Variants in HIVEP3 observed in about 807,000 individuals in gnomAD.
HIVEP3 encodes the protein transcription factor HIVEP3.
Under a neutral mutation model 152.8 loss-of-function variants are expected in HIVEP3, and 49 were observed. That is an observed-to-expected ratio of 0.32 (90% CI 0.26 to 0.41). The LOEUF (loss-of-function observed/expected upper bound fraction) is 0.41, where lower values mean the gene tolerates loss of function less well. HIVEP3 is among the 10% of genes least tolerant of loss of function. The pLI is 1.00. For synonymous variants in HIVEP3, 1,269 were observed against 1,289.0 expected (o/e 0.98, Z 0.33); for missense variants, 2,790 against 3,103.3 (o/e 0.90, Z 2.40).
chr1:41,646,880 G>A (rs1285040861), intron 2 of HIVEP3, among the ~76,000 whole-genome samples: 1 of 152,368 alleles, frequency 6.6e-6, no homozygotes, highest in Middle Eastern at 3.4e-3. Context: ...AAATCCAGGT[G>A]TTAACAGGGC....
intron 1 of HIVEP3, among the ~76,000 whole-genome samples, chr1:41,862,756 A>C (rs1235127981): frequency 6.6e-6 from 1 of 152,224 alleles, no homozygotes; most frequent in East Asian, 1.9e-4. Context: ...GGCAGGTCAG[A>C]GACTTAGGTT....
intron 5 of HIVEP3, among the ~76,000 whole-genome samples, chr1:41,564,309 G>T (rs919347945): frequency 3.3e-5 from 5 of 152,212 alleles, no homozygotes; most frequent in African/African-American, 1.2e-4. Flanking sequence ...GTGACAGAGG[G>T]TATGAAAATC....
chr1:41,608,041 T>A (rs1459940598), intron 3 of HIVEP3, among the ~76,000 whole-genome samples: 1 of 152,198 alleles, frequency 6.6e-6, no homozygotes, highest in African/African-American at 2.4e-5. Context: ...AGTGTTTAGC[T>A]GAGTGGCTGT....
intron 3 of HIVEP3, among the ~76,000 whole-genome samples, chr1:41,610,903 CCCAAGCTCCCA>C (rs1644887732): frequency 6.6e-6 from 1 of 152,180 alleles, no homozygotes; most frequent in South Asian, 2.1e-4. Flanking sequence ...CCTGAGACCC[CCCAAGCTCCCA>C]CTCTGTGCTC....
intron 3 of HIVEP3, among the ~76,000 whole-genome samples, chr1:41,586,359 T>C (rs948100143): frequency 7.2e-5 from 11 of 152,120 alleles, no homozygotes; most frequent in Non-Finnish European, 1.3e-4. Flanking sequence ...CCACCTGACT[T>C]TGGACATCAT....
intron 1 of HIVEP3, among the ~76,000 whole-genome samples, chr1:41,888,039 T>TC (rs1237452346): frequency 7.1e-6 from 1 of 140,666 alleles, no homozygotes; most frequent in African/African-American, 2.6e-5. Flanking sequence ...CAGCTGAACT[T>TC]TTTTTTTTTT....
intron 3 of HIVEP3, among the ~76,000 whole-genome samples, chr1:41,601,441 T>C (rs897288438): frequency 6.6e-6 from 1 of 152,178 alleles, no homozygotes; most frequent in African/African-American, 2.4e-5. Context: ...AAATGTTTTG[T>C]AGTTTCCAGT....
intron 1 of HIVEP3, chr1:41,847,554 T>G (rs1643477741): frequency 6.6e-6 from 1 of 152,262 alleles, no homozygotes; most frequent in East Asian, 1.9e-4. Context: ...ACTTCCAAAG[T>G]TTTTGTAACA....
intron 1 of HIVEP3, among the ~76,000 whole-genome samples, chr1:41,834,464 G>C (rs1570632756): frequency 6.6e-6 from 1 of 152,328 alleles, no homozygotes; most frequent in Non-Finnish European, 1.5e-5. Flanking sequence ...CAAGTGTTCA[G>C]TAAGTGTTGG....
intron 2 of HIVEP3, among the ~76,000 whole-genome samples, chr1:41,638,804 G>C (rs566706247): frequency 6.6e-6 from 1 of 152,218 alleles, no homozygotes; most frequent in Non-Finnish European, 1.5e-5. Context: ...GGCCGCATCC[G>C]GTCTGGGCAC....
At chr1:41,725,522 T>C (rs1397256396) in intron 1 of HIVEP3, among the ~76,000 whole-genome samples, 1 of 152,234 alleles carries the variant, frequency 6.6e-6, no homozygotes, top group Non-Finnish European at 1.5e-5. Context: ...CCCAAACTAT[T>C]GTCTGTGCTG....
chr1:41,834,280 C>A (rs975444554), intron 1 of HIVEP3, among the ~76,000 whole-genome samples: 2 of 152,152 alleles, frequency 1.3e-5, no homozygotes, highest in Non-Finnish European at 2.9e-5. Context: ...CACCCCCATT[C>A]CCCCACTGTG....
chr1:42,015,879 A>G (rs1645519331), intron 1 of HIVEP3, among the ~76,000 whole-genome samples: 1 of 152,272 alleles, frequency 6.6e-6, no homozygotes, highest in Admixed American at 6.5e-5. Flanking sequence ...TCAGCTGCCT[A>G]CATGGCAATG....
At chr1:41,779,653 G>A (rs1313264972) in intron 1 of HIVEP3, among the ~76,000 whole-genome samples, 1 of 152,204 alleles carries the variant, frequency 6.6e-6, no homozygotes, top group Non-Finnish European at 1.5e-5. Flanking sequence ...AAACCATTAT[G>A]CCTGGCTAAT....
At chr1:41,594,873 T>G (rs1024072237) in intron 3 of HIVEP3, among the ~76,000 whole-genome samples, 1 of 152,226 alleles carries the variant, frequency 6.6e-6, no homozygotes, top group African/African-American at 2.4e-5. Flanking sequence ...TTCCTTTCCA[T>G]TGTCACCTTG....
intron 5 of HIVEP3, among the ~76,000 whole-genome samples, chr1:41,549,208 C>A (rs1055271423): frequency 8.5e-5 from 13 of 152,160 alleles, no homozygotes; most frequent in Non-Finnish European, 1.8e-4. Flanking sequence ...TGAACTCATC[C>A]TTTTCTATGG....
At chr1:41,940,532 C>A (rs1645040374) in intron 1 of HIVEP3, among the ~76,000 whole-genome samples, 1 of 152,190 alleles carries the variant, frequency 6.6e-6, no homozygotes, top group African/African-American at 2.4e-5. Flanking sequence ...GAAATGAACT[C>A]TTAAGAGAAC....
chr1:41,517,719 TG>T (rs1642648534), intron 7 of HIVEP3, among the ~76,000 whole-genome samples: 1 of 152,230 alleles, frequency 6.6e-6, no homozygotes, highest in Non-Finnish European at 1.5e-5. Context: ...CTGCTGAGGC[TG>T]GGCAGTGCTC....
intron 6 of HIVEP3, among the ~76,000 whole-genome samples, chr1:41,522,112 G>T (rs183021668): frequency 2.6e-5 from 4 of 152,318 alleles, no homozygotes; most frequent in Non-Finnish European, 2.9e-5. Flanking sequence ...TGGTAGGGTC[G>T]GGAGGGCTGC....
Sources: gnomAD v4.1 joint callset for allele counts (sites outside exome capture counted in the v4.1 genomes callset) on GRCh38, gnomAD v4.1.1 for gene constraint, MANE v1.5 for transcripts, NCBI Gene and HGNC (gene_info 2026-07-23, HGNC 2026-07-21) for gene names.